XKR5: variants seen among roughly 807,000 people sequenced by gnomAD.
XKR5 encodes the protein XK related 5, also known as XK-related protein 5.
In XKR5, 46 loss-of-function variants were observed where a neutral mutation model predicts 40.8. The ratio of observed to expected loss-of-function variants is 1.13; its 90% CI spans 0.89 to 1.44. The LOEUF (loss-of-function observed/expected upper bound fraction) is 1.44, where lower values mean the gene tolerates loss of function less well. XKR5 is among the 40% of genes most tolerant of loss of function. XKR5 has a pLI of 0.00. For missense variants in XKR5, 1,169 were observed against 844.7 expected, an observed-to-expected ratio of 1.38 and a Z score of -4.76; for synonymous variants, 466 against 356.1, an observed-to-expected ratio of 1.31 and a Z score of -3.48.
chr8:6,833,072 A>C (rs1040819869), intron 1 of XKR5, among the ~76,000 whole-genome samples, 172 bp from the exon 2 acceptor site: 3 of 152,182 alleles, frequency 2.0e-5, no homozygotes, highest in African/African-American at 7.2e-5. Flanking sequence ...TTCAGCTAGC[A>C]AAGGGCCCAG....
chr8:6,820,714 G>C (rs936463553), intron 5 of XKR5, among the ~76,000 whole-genome samples: 17 of 152,224 alleles, frequency 1.1e-4, no homozygotes, highest in Admixed American at 6.5e-4. Context: ...TGGACGCTGA[G>C]GTTGGTGAGG....
chr8:6,815,676 C>T (rs1177294847), intron 6 of XKR5, 131 bp downstream of exon 6: 7 of 628,936 alleles, frequency 1.1e-5, no homozygotes, highest in South Asian at 7.6e-5. Context: ...CCCCCCACAT[C>T]GCAGTGAGCC....
Position 6,829,826 on chromosome 8 carries a change from C to CTTTT in XKR5, c.242+2887_242+2890dup, listed in dbSNP as rs140715953. Among the ~76,000 whole-genome samples, 13 of 63,564 alleles carry CTTTT rather than the reference C, an allele frequency of 2.0e-4. 1 individual carries two copies. The highest frequency in any genetic ancestry group is 6.2e-4 in the African/African-American group (9 of 14,432). 41.7% of individuals were successfully genotyped at this position (63,564 alleles called of 152,430 possible). ...GCCGTCACGCCAGGCCAAATTCTTG[C>CTTTT]TTTTTTTTTTTTTTTTTTTTTTTTT... On this transcript the variant is annotated intron_variant, in intron 2 of 6. Transcript: ENST00000618742.
intron 4 of XKR5, 85 bp downstream of exon 4, chr8:6,823,436 A>T: frequency 7.1e-7 from 1 of 1,408,320 alleles, no homozygotes; most frequent in Non-Finnish European, 9.8e-7. Flanking sequence ...GGGATTGAGG[A>T]TCATATGTGG....
At chr8:6,813,643 T>C (rs1400811925) in intron 6 of XKR5, among the ~76,000 whole-genome samples, 1 of 152,166 alleles carries the variant, frequency 6.6e-6, no homozygotes, top group Non-Finnish European at 1.5e-5. Context: ...GGCAGCTCCA[T>C]CAGAGGCCGG....
At chr8:6,828,573 C>A (rs574037298) in intron 2 of XKR5, among the ~76,000 whole-genome samples, 2 of 152,138 alleles carry the variant, frequency 1.3e-5, no homozygotes, top group Admixed American at 6.5e-5. Flanking sequence ...GAAGCTGAGG[C>A]GGGATGGAGA....
intron 2 of XKR5, chr8:6,829,064 C>G (rs190700036): frequency 6.6e-6 from 1 of 152,636 alleles, no homozygotes; most frequent in Non-Finnish European, 1.5e-5. Flanking sequence ...AAGCCTCACT[C>G]GAGGGATCCT....
intron 2 of XKR5, among the ~76,000 whole-genome samples, chr8:6,831,912 G>C (rs1310245298): frequency 6.6e-6 from 1 of 150,798 alleles, no homozygotes; most frequent in Non-Finnish European, 1.5e-5. Context: ...CTACTCAACA[G>C]GCTGAAGCAG....
chr8:6,823,286 A>G (rs754863890), intron 4 of XKR5, among the ~76,000 whole-genome samples: 1 of 152,204 alleles, frequency 6.6e-6, no homozygotes, highest in African/African-American at 2.4e-5. Flanking sequence ...AGCAGTTTCC[A>G]GTTCCTTGCC....
chr8:6,818,740 C>A (rs1404061647), intron 5 of XKR5, among the ~76,000 whole-genome samples: 3 of 152,176 alleles, frequency 2.0e-5, no homozygotes, highest in Non-Finnish European at 4.4e-5. Flanking sequence ...TATAAAAGCT[C>A]CCCTGAGTGC....
chr8:6,813,872 C>A (rs1039427886), intron 6 of XKR5, among the ~76,000 whole-genome samples: 1 of 152,188 alleles, frequency 6.6e-6, no homozygotes, highest in Non-Finnish European at 1.5e-5. Flanking sequence ...GACAGGTTTT[C>A]GGAGTGGTGT....
At chr8:6,819,443 A>G (rs550925078) in intron 5 of XKR5, among the ~76,000 whole-genome samples, 4 of 152,366 alleles carry the variant, frequency 2.6e-5, no homozygotes, top group African/African-American at 9.6e-5. Flanking sequence ...TAACCTGCCC[A>G]GAGGCACTGG....
chr8:6,822,073 T>A, intron 4 of XKR5, 35 bp from the exon 5 acceptor site: 1 of 1,566,988 alleles, frequency 6.4e-7, no homozygotes, highest in South Asian at 1.2e-5. Context: ...TCAGGGTCCA[T>A]GCAAGGAGAT....
chr8:6,818,946 G>A (rs988415790), intron 5 of XKR5, among the ~76,000 whole-genome samples: 1 of 152,240 alleles, frequency 6.6e-6, no homozygotes, highest in Non-Finnish European at 1.5e-5. Context: ...GGAGGCTGAG[G>A]TGGGAGGATC....
chr8:6,830,669 TCTTAA>T (rs1804725513), intron 2 of XKR5, among the ~76,000 whole-genome samples: 1 of 152,218 alleles, frequency 6.6e-6, no homozygotes, highest in Admixed American at 6.5e-5. Context: ...TTTAAAGTCA[TCTTAA>T]CTTCTTTTTC....
intron 1 of XKR5, among the ~76,000 whole-genome samples, chr8:6,833,782 C>T (rs150635176): frequency 3.9e-4 from 59 of 152,322 alleles, no homozygotes; most frequent in African/African-American, 1.3e-3. Context: ...CTCCTAGGAG[C>T]AGGCTGGGAG....
intron 2 of XKR5, among the ~76,000 whole-genome samples, chr8:6,829,650 G>A (rs1587198584): frequency 1.3e-5 from 2 of 152,198 alleles, no homozygotes; most frequent in East Asian, 1.9e-4. Context: ...TGAGTAGGTG[G>A]CATTACAGGT....
Position 6,811,973 on chromosome 8 carries a change from G to T in XKR5, c.1286C>A (p.Pro429His), listed in dbSNP as rs978322366. 6.5e-7 allele frequency: 1 copy of T among 1,537,204 alleles called. No homozygotes were observed. Among genetic ancestry groups the T allele is most frequent in the African/African-American group, 1.4e-5 (1 of 73,054 alleles). Residue 429 changes from proline (P) to histidine (H), a missense_variant, in exon 7 of 7, where the codon CCT (proline) becomes CAT (histidine). By Grantham distance (77) the Pro-to-His change is moderately conservative. Transcript: ENST00000618742. ...CCCCCATGCAGGTGGACAATAGGCA[G>T]GACTGTTATCTCCAAAGGCGGCATT... ...KINAAFGDNSPAYCPPAWGLS... is the reference protein window; with the variant it reads ...KINAAFGDNSHAYCPPAWGLS...
chr8:6,811,041 GC>G lies in XKR5; in HGVS notation c.*156del. On this transcript the variant is annotated 3_prime_UTR_variant, in exon 7 of 7. Transcript: ENST00000618742. ...TGCATTGGACCTGCAAAATCATCCA[GC>G]CCTGTTTCTTCATTTTTCAGGGATG... 1.5e-6 allele frequency: 1 copy of G among 650,996 alleles called. No homozygotes were observed. The highest frequency in any genetic ancestry group is 2.2e-6 in the Non-Finnish European group (1 of 444,938). The allele number at this position is 650,996 out of a possible 1,614,324, so 40.3% of individuals were successfully genotyped here. A position where few individuals can be genotyped will look rare whatever the true frequency, so the allele number is the denominator to read the frequency against.
Sources: allele counts gnomAD v4.1 joint callset (sites outside exome capture counted in the v4.1 genomes callset), GRCh38; gene constraint gnomAD v4.1.1; transcripts MANE v1.5; gene names NCBI Gene and HGNC (gene_info 2026-07-23, HGNC 2026-07-21).